PON3: variants seen among roughly 807,000 people sequenced by gnomAD.
PON3 encodes serum paraoxonase/lactonase 3.
PON3 carries 37 observed loss-of-function variants against 36.3 expected under a neutral mutation model. The observed-to-expected ratio is 1.02, with a 90% CI of 0.78 to 1.34. The LOEUF is 1.34. PON3 is among the 40% of genes most tolerant of loss of function. The pLI is 0.00. For missense variants in PON3, 415 were observed against 426.5 expected, an observed-to-expected ratio of 0.97 and a Z score of 0.24; for synonymous variants, 155 against 154.8, an observed-to-expected ratio of 1.00 and a Z score of -0.01.
intron 8 of PON3, 83 bp downstream of exon 8, chr7:95,362,279 A>G (rs1275633481): frequency 6.4e-7 from 1 of 1,556,288 alleles, no homozygotes; most frequent in Non-Finnish European, 8.8e-7. Context: ...ACCAAATGTG[A>G]CTGGCTTAAA....
Position 95,396,134 on chromosome 7 carries a change from G to T in PON3, c.74+143C>A, listed in dbSNP as rs1430328310. 4 of 863,280 alleles carry T rather than the reference G, an allele frequency of 4.6e-6. No homozygotes were observed. In the Admixed American group the frequency reaches 7.3e-5, roughly 16 times the overall value. 53.5% of individuals were successfully genotyped at this position (863,280 alleles called of 1,614,324 possible). On this transcript the variant is annotated intron_variant, in intron 1 of 8. Transcript: ENST00000265627. ...TTTCCCCATAAGCGAGTCTCAAGGG[G>T]CGGTTTGCTGGGTGAGATGGAGGAG... is the stretch of plus-strand genomic sequence containing the variant.
Position 95,364,292 on chromosome 7 carries a change from G to C in PON3, c.495-229C>G. ...TTACTCTTCTCTTTCACAGAAATCAGTGAAAAGAAATAAATTCACAAATAA... is the reference window on the plus strand; with the variant it reads ...TTACTCTTCTCTTTCACAGAAATCACTGAAAAGAAATAAATTCACAAATAA... On this transcript the variant is annotated intron_variant, in intron 5 of 8. Transcript: ENST00000265627. The C allele has an allele frequency of 5.3e-6, 3 of 561,478 alleles. No individual in the cohort carries two copies. In the South Asian group the frequency reaches 6.3e-5, roughly 12 times the overall value. 34.8% of individuals were successfully genotyped at this position (561,478 alleles called of 1,614,324 possible).
chr7:95,393,112 T>C lies in PON3; in HGVS notation c.145+1532A>G, dbSNP rs17883824. ...TTCAGATTACTTTATTTTTTAGAAATTGAGAGGCAAGAAAAGGCAGAAAAC... is the reference window on the plus strand; with the variant it reads ...TTCAGATTACTTTATTTTTTAGAAACTGAGAGGCAAGAAAAGGCAGAAAAC... On this transcript the variant is annotated intron_variant, in intron 2 of 8. Coordinates refer to ENST00000265627, the MANE Select transcript of PON3 (RefSeq NM_000940.3). Among the ~76,000 whole-genome samples the C allele has an allele frequency of 3.1e-3, 470 of 152,324 alleles. 1 individual carries two copies. The highest frequency in any genetic ancestry group is 5.8e-3 in the Non-Finnish European group (395 of 68,036).
chr7:95,367,541 T>C (rs572289689), intron 4 of PON3, 53 bp from the exon 5 acceptor site: 1 of 1,592,468 alleles, frequency 6.3e-7, no homozygotes, highest in Non-Finnish European at 8.6e-7. Flanking sequence ...TCACAACTAA[T>C]ATTAGACTTG....
Position 95,372,191 on chromosome 7 carries a change from T to A in PON3, c.349A>T (p.Ser117Cys), listed in dbSNP as rs750834871. The A allele has an allele frequency of 6.2e-7, 1 of 1,613,768 alleles. No individual in the cohort carries two copies. Among genetic ancestry groups the A allele is most frequent in the South Asian group, 1.1e-5 (1 of 91,078 alleles). ...DKELFNPHGI[S>C]IFIDKDNTVY... Reference sequence around the variant, plus strand: ...GTTTTACCTTTGTCGATGAAAATACTGATCCCATGTGGATTAAATAATTCT... The same window carrying A: ...GTTTTACCTTTGTCGATGAAAATACAGATCCCATGTGGATTAAATAATTCT... The change falls in exon 4 of 9, where the codon AGT becomes TGT. Residue 117 changes from serine to cysteine, a missense_variant. By Grantham distance (112) the Ser-to-Cys change is moderately radical (BLOSUM62 -1). Coordinates refer to ENST00000265627, the MANE Select transcript of PON3 (RefSeq NM_000940.3).
At chr7:95,376,786 T>C (rs1051231648) in intron 3 of PON3, among the ~76,000 whole-genome samples, 5 of 152,186 alleles carry the variant, frequency 3.3e-5, no homozygotes, top group Admixed American at 6.5e-5. Context: ...GCTTCCAAGA[T>C]GGCGGAATAG....
intron 4 of PON3, among the ~76,000 whole-genome samples, chr7:95,367,742 T>G (rs1188782018): frequency 6.6e-6 from 1 of 152,194 alleles, no homozygotes. Context: ...TTTGCCATAG[T>G]CACTTCACCC....
At chr7:95,395,970 C>T (rs991353128) in intron 1 of PON3, 3 of 410,056 alleles carry the variant, frequency 7.3e-6, no homozygotes, top group Admixed American at 3.6e-5. Context: ...ATGTTGAGGG[C>T]GAGCTGGGAA....
Position 95,372,297 on chromosome 7 carries a change from T to C in PON3, c.243A>G (p.Glu81=). 2 of 1,613,880 alleles carry C rather than the reference T, an allele frequency of 1.2e-6. No homozygotes were observed. The highest frequency in any genetic ancestry group is 4.5e-5 in the East Asian group (2 of 44,882). The stretch of plus-strand genomic sequence containing the variant: ...GATCCATCAAGAAGATTTTTCCTGG[T>C]TCATCTGGCGCAAAGTTTGGCATGC... ...YPGMPNFAPD[E]PGKIFLMDLN... is the part of the protein sequence containing the mutation. Residue 81 remains glutamate, a synonymous_variant, in exon 4 of 9, where the codon GAA becomes GAG. Transcript: ENST00000265627.
chr7:95,388,907 G>C (rs1809258703), intron 3 of PON3, among the ~76,000 whole-genome samples: 1 of 152,090 alleles, frequency 6.6e-6, no homozygotes, highest in Non-Finnish European at 1.5e-5. Flanking sequence ...CATAAACACA[G>C]GGCAGGGAAC....
At chr7:95,389,374 T>C (rs1213782322) in intron 3 of PON3, among the ~76,000 whole-genome samples, 1 of 152,192 alleles carries the variant, frequency 6.6e-6, no homozygotes, top group Non-Finnish European at 1.5e-5. Flanking sequence ...CCATGTTCTT[T>C]GGTGGTATTT....
chr7:95,367,068 G>C (rs1808713030), intron 5 of PON3, among the ~76,000 whole-genome samples: 1 of 152,188 alleles, frequency 6.6e-6, no homozygotes, highest in African/African-American at 2.4e-5. Context: ...CCGATAGTAG[G>C]TATTGAGTTG....
In PON3 at chr7:95,388,504, G is replaced by C. The variant is rs536639276; in HGVS notation, c.201+1650C>G. Among the ~76,000 whole-genome samples the C allele has an allele frequency of 3.3e-5, 5 of 152,310 alleles. 1 individual carries two copies. The highest frequency in any genetic ancestry group is 1.2e-4 in the African/African-American group (5 of 41,574). ...ACACTGTTGGTGGGAGTGTAAATTA[G>C]TTCAACCATTGTGGAAGACCGTGTG... is the stretch of plus-strand genomic sequence containing the variant. On this transcript the variant is annotated intron_variant, in intron 3 of 8. Coordinates refer to ENST00000265627, the MANE Select transcript of PON3 (RefSeq NM_000940.3).
At chr7:95,386,999 G>A (rs914382354) in intron 3 of PON3, among the ~76,000 whole-genome samples, 3 of 152,100 alleles carry the variant, frequency 2.0e-5, no homozygotes, top group Admixed American at 2.0e-4. Flanking sequence ...AATAATAAGA[G>A]CTATTTATGA....
intron 3 of PON3, among the ~76,000 whole-genome samples, chr7:95,376,355 C>A (rs1808912520): frequency 6.6e-6 from 1 of 152,178 alleles, no homozygotes; most frequent in African/African-American, 2.4e-5. Flanking sequence ...CTAGAAATAT[C>A]TATTGCACAG....
intron 6 of PON3, among the ~76,000 whole-genome samples, chr7:95,363,056 T>C (rs1395929327): frequency 6.6e-6 from 1 of 152,178 alleles, no homozygotes; most frequent in African/African-American, 2.4e-5. Context: ...ATAATGAAAC[T>C]GGTGTTTCTA....
chr7:95,365,018 T>C (rs1018761924), intron 5 of PON3: 3 of 152,178 alleles, frequency 2.0e-5, no homozygotes, highest in African/African-American at 7.2e-5. Context: ...ATAATGACTT[T>C]CCCAAGGTCA....
At chr7:95,364,252 C>T in intron 5 of PON3, 189 bp from the exon 6 acceptor site, 1 of 595,502 alleles carries the variant, frequency 1.7e-6, no homozygotes, top group South Asian at 2.1e-5. Flanking sequence ...TTTTCTTTAG[C>T]CATTTGTTAT....
At chr7:95,390,346 A>T in intron 2 of PON3, 137 bp from the exon 3 acceptor site, 1 of 790,086 alleles carries the variant, frequency 1.3e-6, no homozygotes, top group Admixed American at 1.8e-5. Flanking sequence ...TTGGGAAACC[A>T]TATTAACTTT....
Sources: gnomAD v4.1 joint callset for allele counts (sites outside exome capture counted in the v4.1 genomes callset) on GRCh38, gnomAD v4.1.1 for gene constraint, MANE v1.5 for transcripts, NCBI Gene and HGNC (gene_info 2026-07-23, HGNC 2026-07-21) for gene names.